Variants in RNF150 observed in about 807,000 individuals in gnomAD.
RNF150 encodes ring finger protein 150.
RNF150 carries 24 observed loss-of-function variants against 39.3 expected under a neutral mutation model. The observed-to-expected ratio is 0.61, with a 90% CI of 0.44 to 0.86. The LOEUF (loss-of-function observed/expected upper bound fraction) is 0.86, where lower values mean the gene tolerates loss of function less well. Among genes scored for constraint, RNF150 ranks in the 40% least tolerant of loss-of-function variants. RNF150 has a pLI of 0.00. For synonymous variants in RNF150, 255 were observed against 227.3 expected (o/e 1.12, Z -1.10); for missense variants, 502 against 587.8 (o/e 0.85, Z 1.51).
chr4:141,183,117 A>G (rs1170721778), intron 1 of RNF150, among the ~76,000 whole-genome samples: 1 of 152,200 alleles, frequency 6.6e-6, no homozygotes, highest in African/African-American at 2.4e-5. Context: ...TTTTCCACAT[A>G]TAATTTTCTT....
chr4:141,161,324 G>A (rs1191405191), intron 1 of RNF150, among the ~76,000 whole-genome samples: 1 of 152,202 alleles, frequency 6.6e-6, no homozygotes. Context: ...GAAAAAGTTT[G>A]TAAGCAGCAA....
At chr4:141,209,013 T>C (rs757672125) in intron 1 of RNF150, among the ~76,000 whole-genome samples, 1 of 152,164 alleles carries the variant, frequency 6.6e-6, no homozygotes, top group African/African-American at 2.4e-5. Context: ...AACTGGTTTT[T>C]TTCAGCAAAT....
At chr4:141,078,687 G>A (rs1444663673) in intron 1 of RNF150, among the ~76,000 whole-genome samples, 4 of 150,342 alleles carry the variant, frequency 2.7e-5, no homozygotes, top group Admixed American at 1.3e-4. Context: ...CTACTCAGGA[G>A]GCTGAGGCAG....
At chr4:141,034,109 T>C (rs963732398) in intron 1 of RNF150, among the ~76,000 whole-genome samples, 2 of 152,228 alleles carry the variant, frequency 1.3e-5, no homozygotes, top group Non-Finnish European at 2.9e-5. Context: ...GGGTGTTTCA[T>C]CTGCATTTAA....
intron 1 of RNF150, among the ~76,000 whole-genome samples, chr4:141,120,515 TA>T (rs1560748641): frequency 6.6e-6 from 1 of 152,156 alleles, no homozygotes; most frequent in African/African-American, 2.4e-5. Context: ...AAACTGAACT[TA>T]AAAAATAATG....
chr4:140,926,631 G>A (rs1297358242), intron 4 of RNF150, among the ~76,000 whole-genome samples: 1 of 152,212 alleles, frequency 6.6e-6, no homozygotes, highest in East Asian at 1.9e-4. Context: ...GGGGTTTCAC[G>A]TAGGTAGCCG....
At chr4:140,974,889 G>C (rs1006567587) in intron 1 of RNF150, among the ~76,000 whole-genome samples, 1 of 151,972 alleles carries the variant, frequency 6.6e-6, no homozygotes, top group African/African-American at 2.4e-5. Flanking sequence ...GAACTGCATG[G>C]GTCCGCTAAT....
intron 1 of RNF150, among the ~76,000 whole-genome samples, chr4:141,098,381 C>T (rs540743874): frequency 5.1e-4 from 77 of 152,342 alleles, no homozygotes; most frequent in African/African-American, 1.6e-3. Flanking sequence ...ACAGTCCTGG[C>T]ACACAAGCAC....
At chr4:141,197,112 G>A (rs1728213605) in intron 1 of RNF150, among the ~76,000 whole-genome samples, 1 of 151,922 alleles carries the variant, frequency 6.6e-6, no homozygotes, top group South Asian at 2.1e-4. Flanking sequence ...CTGAGTTGTA[G>A]CTTTTGTTTG....
intron 1 of RNF150, among the ~76,000 whole-genome samples, chr4:141,001,422 T>C (rs568640463): frequency 6.6e-6 from 1 of 152,266 alleles, no homozygotes; most frequent in East Asian, 1.9e-4. Flanking sequence ...CTTTAGTCAT[T>C]ACTGAATAAA....
At chr4:140,963,647 A>G (rs1733126726) in intron 2 of RNF150, among the ~76,000 whole-genome samples, 1 of 152,088 alleles carries the variant, frequency 6.6e-6, no homozygotes. Context: ...ATATGAATAT[A>G]ATGGCAAACA....
In RNF150 at chr4:141,169,526, A is replaced by G. The variant is rs187478070; in HGVS notation, c.-6+43268T>C. Reference sequence around the variant, plus strand: ...CAGAGAATCAGAGTAATTCTTTAGGAAGGAGAAACAAAATACTCACATGTT... The same window carrying G: ...CAGAGAATCAGAGTAATTCTTTAGGGAGGAGAAACAAAATACTCACATGTT... On this transcript the variant is annotated intron_variant, in intron 1 of 7. Transcript: ENST00000420921. 7.4e-4 allele frequency among the ~76,000 whole-genome samples: 113 copies of G among 152,320 alleles called. 3 individuals are homozygous for G. The East Asian group carries it at 9.8e-3, about 13-fold the overall frequency.
chr4:140,895,196 T>A (rs1337495054), intron 6 of RNF150, among the ~76,000 whole-genome samples: 3 of 152,226 alleles, frequency 2.0e-5, no homozygotes, highest in Non-Finnish European at 4.4e-5. Flanking sequence ...TTTCTGAGAC[T>A]GTTTGAACAT....
At position 140,863,849 on chromosome 4, in the gene RNF150, T is replaced by G. The variant is rs1392587803; in HGVS notation, c.*4412A>C. 1 of 152,144 alleles carries G rather than the reference T, an allele frequency of 6.6e-6. No individual in the cohort carries two copies. The highest frequency in any genetic ancestry group is 1.9e-4 in the East Asian group (1 of 5,188). 9.4% of individuals were successfully genotyped at this position (152,144 alleles called of 1,614,324 possible). A position where few individuals can be genotyped will look rare whatever the true frequency, so the allele number is the denominator to read the frequency against. The stretch of plus-strand genomic sequence containing the variant: ...TTTGATTTAAGGATTTTTTTTTAAG[T>G]CAGGGTGATACATTCAATGGATAAC... On this transcript the variant is annotated 3_prime_UTR_variant, in exon 7 of 7. Transcript: ENST00000515673.
intron 6 of RNF150, among the ~76,000 whole-genome samples, chr4:140,908,975 G>T (rs1252654360): frequency 1.3e-5 from 2 of 152,090 alleles, no homozygotes. Flanking sequence ...GTTCTCAAAA[G>T]CAAGCTCATG....
rs1250086541 is a variant in RNF150, at chr4:140,967,726, A to G, written c.632T>C (p.Phe211Ser). Residue 211 changes from phenylalanine (F) to serine (S), a missense_variant, in exon 2 of 7, where the codon TTT becomes TCT. Transcript: ENST00000515673. Reference sequence around the variant, plus strand: ...CAGGACAATGAAGGAGATGGAGACAAACACAACCGAAGTGCGGCTCACATA... The same window carrying G: ...CAGGACAATGAAGGAGATGGAGACAGACACAACCGAAGTGCGGCTCACATA... ...QKYVSRTSVV[F>S]VSISFIVLMI... is the part of the protein sequence containing the mutation. 1.2e-6 allele frequency: 2 copies of G among 1,613,512 alleles called. No homozygotes were observed. The highest frequency in any genetic ancestry group is 3.3e-5 in the Admixed American group (2 of 59,944).
At chr4:141,171,419 C>G (rs965230002) in intron 1 of RNF150, among the ~76,000 whole-genome samples, 3 of 151,332 alleles carry the variant, frequency 2.0e-5, no homozygotes, top group African/African-American at 7.3e-5. Context: ...TGTGTGTGTG[C>G]ACACACCCAT....
intron 4 of RNF150, among the ~76,000 whole-genome samples, chr4:140,934,332 G>A (rs1731756821): frequency 6.6e-6 from 1 of 151,856 alleles, no homozygotes; most frequent in Non-Finnish European, 1.5e-5. Context: ...TTTTAAAAAA[G>A]AAAAGACAAA....
chr4:141,073,928 G>T (rs2110958245), intron 1 of RNF150, among the ~76,000 whole-genome samples: 1 of 152,068 alleles, frequency 6.6e-6, no homozygotes, highest in East Asian at 1.9e-4. Context: ...CAGTTCAGAG[G>T]GCTGCAGCAT....
Sources: gnomAD v4.1 joint callset for allele counts (sites outside exome capture counted in the v4.1 genomes callset) on GRCh38, gnomAD v4.1.1 for gene constraint, MANE v1.5 for transcripts, NCBI Gene and HGNC (gene_info 2026-07-23, HGNC 2026-07-21) for gene names.